Variants in TTLL3 observed in about 807,000 individuals in gnomAD.
TTLL3 encodes the protein tubulin tyrosine ligase like 3, also known as tubulin monoglycylase TTLL3.
In TTLL3, 63 loss-of-function variants were observed where a neutral mutation model predicts 75.2. The ratio of observed to expected loss-of-function variants is 0.84; its 90% CI spans 0.68 to 1.03. TTLL3 has a LOEUF of 1.03. Ranked by LOEUF, TTLL3 falls within the 50% of genes least tolerant of loss-of-function variation. TTLL3 has a pLI of 0.00. For missense variants in TTLL3, 997 were observed against 1,069.9 expected (o/e 0.93, Z 0.95); for synonymous variants, 393 against 418.5 (o/e 0.94, Z 0.74).
At chr3:9,814,412 G>A (rs777586177) in intron 4 of TTLL3, among the ~76,000 whole-genome samples, 5 of 151,964 alleles carry the variant, frequency 3.3e-5, no homozygotes, top group Non-Finnish European at 5.9e-5. Flanking sequence ...TTGGGAGGCC[G>A]AGGCTGATGG....
chr3:9,813,204 G>C, intron 3 of TTLL3, 44 bp from the exon 4 acceptor site: 1 of 1,614,086 alleles, frequency 6.2e-7, no homozygotes, highest in Non-Finnish European at 8.5e-7. Flanking sequence ...TGGGCTATGG[G>C]TCAGGGAGAG....
intron 11 of TTLL3, among the ~76,000 whole-genome samples, chr3:9,831,588 G>A (rs1002692333): frequency 3.3e-5 from 5 of 152,122 alleles, no homozygotes; most frequent in African/African-American, 1.2e-4. Context: ...TGTTGGCTCT[G>A]TCCAGATTAC....
Position 9,829,355 on chromosome 3 carries a change from G to C in TTLL3, c.1643G>C (p.Arg548Pro). 1 of 1,608,250 alleles carries C rather than the reference G, an allele frequency of 6.2e-7. No individual in the cohort carries two copies. Among genetic ancestry groups the C allele is most frequent in the South Asian group, 1.1e-5 (1 of 90,592 alleles). Reference protein sequence around the residue: ...LRVVIDRMLDRNCDTGAFELI... With the variant: ...LRVVIDRMLDPNCDTGAFELI... Reference sequence around the variant, plus strand: ...GTGGTCATTGACCGGATGCTGGACCGCAACTGTGACACAGGAGCCTTTGAG... The same window carrying C: ...GTGGTCATTGACCGGATGCTGGACCCCAACTGTGACACAGGAGCCTTTGAG... Residue 548 changes from arginine (R) to proline (P), a missense_variant, in exon 11 of 14, where the codon CGC (arginine) becomes CCC (proline). Transcript: ENST00000685419.
Position 9,817,329 on chromosome 3 carries a change from C to G in TTLL3, c.445-316C>G, listed in dbSNP as rs1043150049. 4 of 622,726 alleles carry G rather than the reference C, an allele frequency of 6.4e-6. No homozygotes were observed. In the African/African-American group the frequency reaches 8.0e-5, roughly 12 times the overall value. The allele number at this position is 622,726 out of a possible 1,614,324, so 38.6% of individuals were successfully genotyped here. A position where few individuals can be genotyped will look rare whatever the true frequency, so the allele number is the denominator to read the frequency against. ...GTCCCAGCTACTCTGGAGGCCGAGG[C>G]AGGAGAATGGTGTGAACCCGGGAGG... On this transcript the variant is annotated intron_variant, in intron 5 of 13. Transcript: ENST00000685419.
At chr3:9,823,691 G>C (rs1045332589) in intron 8 of TTLL3, among the ~76,000 whole-genome samples, 1 of 152,132 alleles carries the variant, frequency 6.6e-6, no homozygotes, top group Non-Finnish European at 1.5e-5. Context: ...GCATCTGGCT[G>C]TCCCTGTTCC....
intron 12 of TTLL3, chr3:9,834,133 A>C (rs2081863058): frequency 1.2e-5 from 3 of 250,460 alleles, no homozygotes; most frequent in South Asian, 4.5e-5. Context: ...AAAAAAAAAA[A>C]ACCCAGCCAA....
intron 11 of TTLL3, among the ~76,000 whole-genome samples, chr3:9,831,188 TTG>T (rs2081497689): frequency 6.6e-6 from 1 of 152,294 alleles, no homozygotes; most frequent in African/African-American, 2.4e-5. Context: ...CTGTTTTTTT[TTG>T]TCTCTTTTCA....
chr3:9,835,479 C>T lies in TTLL3; in HGVS notation c.2438C>T (p.Ala813Val). The part of the protein sequence containing the change: ...GARPCTPGST[A>V]RA ...AGGCCGTGTACCCCAGGGTCCACAG[C>T]AAGAGCCTGAGGCCATCAGCAGCTC... is the stretch of plus-strand genomic sequence containing the variant. Residue 813 changes from alanine to valine, a missense_variant, in exon 14 of 14, where the codon GCA becomes GTA. By Grantham distance (64) the Ala-to-Val change is moderately conservative. Coordinates refer to ENST00000685419, the MANE Select transcript of TTLL3 (RefSeq NM_001387446.1). 6.3e-7 allele frequency: 1 copy of T among 1,595,644 alleles called. No homozygotes were observed.
chr3:9,821,726 A>G (rs1333109409), intron 8 of TTLL3, among the ~76,000 whole-genome samples: 1 of 152,188 alleles, frequency 6.6e-6, no homozygotes, highest in East Asian at 1.9e-4. Context: ...AAGGTGGCCA[A>G]GCGTGGTGGC....
At chr3:9,833,372 G>A (rs2081762696) in intron 12 of TTLL3, 127 bp downstream of exon 12, 5 of 1,464,380 alleles carry the variant, frequency 3.4e-6, no homozygotes, top group Non-Finnish European at 4.6e-6. Flanking sequence ...GGGAAGAAAG[G>A]CAAGGCGAAA....
chr3:9,824,930 A>G (rs922849234), intron 8 of TTLL3, among the ~76,000 whole-genome samples: 2 of 150,930 alleles, frequency 1.3e-5, no homozygotes, highest in African/African-American at 4.9e-5. Flanking sequence ...TAGTAGAAAC[A>G]AGGTTTTGCC....
At chr3:9,823,229 A>G (rs2080658880) in intron 8 of TTLL3, among the ~76,000 whole-genome samples, 2 of 151,800 alleles carry the variant, frequency 1.3e-5, no homozygotes, top group Admixed American at 1.3e-4. Flanking sequence ...TAAAAATACA[A>G]AAAAATTAGC....
At chr3:9,810,224 C>T, upstream of TTLL3, 1 of 1,506,368 alleles carries the variant, frequency 6.6e-7, no homozygotes, top group South Asian at 1.2e-5. This position sits in a 1 kb window ranked among gnomAD's most constrained non-coding sequence, Gnocchi z 4.4. Context: ...TCCGCCCAGT[C>T]CGAGGAGGGT....
chr3:9,816,210 C>T lies in TTLL3; in HGVS notation c.444+8C>T. 1 of 1,347,656 alleles carries T rather than the reference C, an allele frequency of 7.4e-7. No individual in the cohort carries two copies. The highest frequency in any genetic ancestry group is 9.9e-7 in the Non-Finnish European group (1 of 1,012,754). 83.5% of individuals were successfully genotyped at this position (1,347,656 alleles called of 1,614,324 possible). On this transcript the variant is annotated splice_region_variant and intron_variant, in intron 5 of 13. Coordinates refer to ENST00000685419, the MANE Select transcript of TTLL3 (RefSeq NM_001387446.1). ...GGCTCCTTTACCACAAAGGTGGGCT[C>T]CCTAGAGGAGCAGGCAGGGCAGCTT...
In TTLL3 at chr3:9,835,225, C is replaced by G. The variant is rs747930725; in HGVS notation, c.2184C>G (p.Asp728Glu). The change falls in exon 14 of 14, where the codon GAC (aspartate) becomes GAG (glutamate). Residue 728 changes from aspartate (D) to glutamate (E), a missense_variant. Coordinates refer to ENST00000685419, the MANE Select transcript of TTLL3 (RefSeq NM_001387446.1). ...RPKANSRPDCDKPRAEACPMK... is the reference protein window; with the variant it reads ...RPKANSRPDCEKPRAEACPMK... ...AGGCAAATTCAAGGCCAGACTGTGA[C>G]AAACCCAGGGCTGAGGCCTGCCCCA... 6.2e-7 allele frequency: 1 copy of G among 1,614,086 alleles called. No individual in the cohort carries two copies. Among genetic ancestry groups the G allele is most frequent in the African/African-American group, 1.3e-5 (1 of 74,930 alleles).
chr3:9,813,306 A>C lies in TTLL3; in HGVS notation c.276A>C (p.Leu92Phe). The C allele has an allele frequency of 6.2e-7, 1 of 1,614,202 alleles. No individual in the cohort carries two copies. The highest frequency in any genetic ancestry group is 8.5e-7 in the Non-Finnish European group (1 of 1,180,022). ...QPSQLFDFDDLLKFDDLDGTH... is the reference protein window; with the variant it reads ...QPSQLFDFDDFLKFDDLDGTH... The stretch of plus-strand genomic sequence containing the variant: ...CACAGCTGTTCGACTTCGATGATTT[A>C]CTGAAATTTGATGACCTAGATGGAA... Residue 92 changes from leucine to phenylalanine, a missense_variant, in exon 4 of 14, where the codon TTA (leucine) becomes TTC (phenylalanine). Coordinates refer to ENST00000685419, the MANE Select transcript of TTLL3 (RefSeq NM_001387446.1).
chr3:9,819,252 C>T (rs1397409600), intron 7 of TTLL3: 4 of 298,082 alleles, frequency 1.3e-5, no homozygotes. Context: ...CCACTCCCTG[C>T]CTACCTATCC....
At chr3:9,829,885 C>A (rs2081362205) in intron 11 of TTLL3, among the ~76,000 whole-genome samples, 1 of 152,174 alleles carries the variant, frequency 6.6e-6, no homozygotes, top group Non-Finnish European at 1.5e-5. Context: ...CTCTGTTGCC[C>A]AGGCTGGAGT....
intron 5 of TTLL3, 182 bp from the exon 6 acceptor site, chr3:9,817,463 T>C: frequency 1.0e-6 from 1 of 984,318 alleles, no homozygotes; most frequent in Non-Finnish European, 1.2e-6. Flanking sequence ...AGGAGGGACA[T>C]CAGGCATTCT....
Sources: gnomAD v4.1 joint callset for allele counts (sites outside exome capture counted in the v4.1 genomes callset) on GRCh38, gnomAD v4.1.1 for gene constraint, Gnocchi (gnomAD v3.1) non-coding constraint, MANE v1.5 for transcripts, NCBI Gene and HGNC (gene_info 2026-07-23, HGNC 2026-07-21) for gene names.